Variants in SMARCA2 observed in about 807,000 individuals in gnomAD.
SMARCA2 encodes the protein SWI/SNF-related matrix-associated actin-dependent regulator of chromatin subfamily A member 2.
In SMARCA2, 61 loss-of-function variants were observed where a neutral mutation model predicts 199.8. The observed-to-expected ratio is 0.31, with a 90% CI of 0.25 to 0.38. SMARCA2 has a LOEUF of 0.38. Ranked by LOEUF, SMARCA2 falls within the 10% of genes least tolerant of loss-of-function variation. SMARCA2 has a pLI of 1.00. For synonymous variants in SMARCA2, 935 were observed against 732.0 expected (o/e 1.28, Z -4.48); for missense variants, 1,344 against 2,012.2 (o/e 0.67, Z 6.35).
At chr9:2,076,842 C>T (rs2130442667) in intron 13 of SMARCA2, among the ~76,000 whole-genome samples, 1 of 152,206 alleles carries the variant, frequency 6.6e-6, no homozygotes, top group East Asian at 1.9e-4. Context: ...TGCCCTGGCT[C>T]TGTGTCTCAT....
chr9:2,035,455 G>A (rs529737183), intron 3 of SMARCA2, among the ~76,000 whole-genome samples: 3 of 152,164 alleles, frequency 2.0e-5, no homozygotes, highest in Non-Finnish European at 2.9e-5. Flanking sequence ...TAATAGTGGA[G>A]TCCTAGGAAA....
chr9:2,136,406 T>C (rs981245086), intron 27 of SMARCA2, among the ~76,000 whole-genome samples: 1 of 152,118 alleles, frequency 6.6e-6, no homozygotes, highest in Non-Finnish European at 1.5e-5. Flanking sequence ...CAATCTGGTC[T>C]CGAACTCCTG....
At chr9:2,182,963 G>C (rs562831052) in intron 31 of SMARCA2, among the ~76,000 whole-genome samples, 1 of 151,800 alleles carries the variant, frequency 6.6e-6, no homozygotes, top group African/African-American at 2.4e-5. Context: ...GCAAATTTTT[G>C]TATTTTTAGT....
At chr9:2,034,040 A>T in intron 3 of SMARCA2, among the ~76,000 whole-genome samples, 1 of 151,940 alleles carries the variant, frequency 6.6e-6, no homozygotes, top group East Asian at 1.9e-4. Flanking sequence ...AGATCAAGAG[A>T]TCGAGACCAT....
At chr9:2,141,541 T>G (rs375777810) in intron 27 of SMARCA2, among the ~76,000 whole-genome samples, 38 of 152,274 alleles carry the variant, frequency 2.5e-4, no homozygotes, top group Admixed American at 1.6e-3. Flanking sequence ...TCTTCAAGCC[T>G]TTTAACTCTC....
chr9:2,132,389 A>G (rs1192753699), intron 27 of SMARCA2, among the ~76,000 whole-genome samples: 1 of 152,188 alleles, frequency 6.6e-6, no homozygotes, highest in Non-Finnish European at 1.5e-5. Context: ...TCCTGACAGC[A>G]TTAGTGATTC....
intron 7 of SMARCA2, among the ~76,000 whole-genome samples, chr9:2,057,812 G>A (rs868555495): frequency 6.6e-6 from 1 of 152,134 alleles, no homozygotes; most frequent in Non-Finnish European, 1.5e-5. Flanking sequence ...TATTTAAAAA[G>A]TGGATACAAA....
chr9:2,126,404 T>G (rs7868537), intron 27 of SMARCA2, among the ~76,000 whole-genome samples: 6,152 of 152,348 alleles, frequency 0.04, 389 homozygotes, highest in African/African-American at 0.14. Context: ...GGATGCAACA[T>G]GCCCCATGGC....
At chr9:2,031,048 A>G (rs1819045606) in intron 2 of SMARCA2, among the ~76,000 whole-genome samples, 2 of 152,216 alleles carry the variant, frequency 1.3e-5, no homozygotes, top group African/African-American at 2.4e-5. Flanking sequence ...CTGTATGTTC[A>G]TTACAAATAC....
chr9:2,033,050 T>G lies in SMARCA2; in HGVS notation c.324T>G (p.Pro108=), dbSNP rs150630640. Residue 108 remains proline (P), a synonymous_variant, in exon 3 of 34, where the codon CCT becomes CCG. Coordinates refer to ENST00000349721, the MANE Select transcript of SMARCA2 (RefSeq NM_003070.5). ...GMRPPHPGMG[P]PQSPMDQHSQ... is the part of the protein sequence containing the mutation. ...GACCACCTCACCCAGGCATGGGCCC[T>G]CCCCAGAGTCCAATGGATCAACACA... The G allele has an allele frequency of 6.2e-7, 1 of 1,613,916 alleles. No homozygotes were observed. Among genetic ancestry groups the G allele is most frequent in the East Asian group, 2.2e-5 (1 of 44,886 alleles).
chr9:2,188,223 T>C (rs1483380017), intron 32 of SMARCA2, among the ~76,000 whole-genome samples: 2 of 152,158 alleles, frequency 1.3e-5, no homozygotes, highest in Non-Finnish European at 2.9e-5. Flanking sequence ...TTAATGAATG[T>C]GAATGTACTG....
chr9:2,073,717 A>C (rs1227424898), intron 12 of SMARCA2, 94 bp downstream of exon 12: 2 of 892,352 alleles, frequency 2.2e-6, no homozygotes, highest in African/African-American at 3.3e-5. Context: ...GGGTCCTTCT[A>C]TCATTTCTTC....
chr9:2,130,724 C>T (rs1823908307), intron 27 of SMARCA2, among the ~76,000 whole-genome samples: 1 of 152,092 alleles, frequency 6.6e-6, no homozygotes, highest in East Asian at 1.9e-4. Flanking sequence ...TATATATACA[C>T]ACACATATAT....
chr9:2,146,118 A>C (rs1372611276), intron 27 of SMARCA2, among the ~76,000 whole-genome samples: 1 of 152,244 alleles, frequency 6.6e-6, no homozygotes, highest in Non-Finnish European at 1.5e-5. Flanking sequence ...TGGGAAGTCC[A>C]AGATCAAGGC....
chr9:2,153,460 A>G (rs1284409855), intron 27 of SMARCA2, among the ~76,000 whole-genome samples: 1 of 151,928 alleles, frequency 6.6e-6, no homozygotes, highest in African/African-American at 2.4e-5. Flanking sequence ...TGAGCCCACA[A>G]GGTTAAGGCT....
chr9:2,126,927 C>T (rs1343896976), intron 27 of SMARCA2, among the ~76,000 whole-genome samples: 1 of 152,200 alleles, frequency 6.6e-6, no homozygotes, highest in Admixed American at 6.5e-5. Flanking sequence ...GTAGCTTCTC[C>T]TCAGAGGCCT....
chr9:2,086,496 A>G lies in SMARCA2; in HGVS notation c.2527-333A>G, dbSNP rs1821809363. Among the ~76,000 whole-genome samples the G allele has an allele frequency of 2.0e-5, 3 of 152,238 alleles. No individual in the cohort carries two copies. Among genetic ancestry groups the G allele is most frequent in the South Asian group, 4.1e-4 (2 of 4,836 alleles). ...TCTGGGATAGCTGTCATGATAACGT[A>G]TTAATAGAAGGGGCATTGGATGGGG... On this transcript the variant is annotated intron_variant, in intron 17 of 33. Coordinates refer to ENST00000349721, the MANE Select transcript of SMARCA2 (RefSeq NM_003070.5). The surrounding 1 kb of genome is among the most constrained non-coding windows in gnomAD (Gnocchi z 4.3).
chr9:2,051,753 C>A (rs1484446434), intron 5 of SMARCA2, among the ~76,000 whole-genome samples: 1 of 152,114 alleles, frequency 6.6e-6, no homozygotes. Context: ...CATGGGCTCA[C>A]GCCACTATAA....
At chr9:2,033,745 G>T (rs10811337) in intron 3 of SMARCA2, among the ~76,000 whole-genome samples, 36,486 of 152,150 alleles carry the variant, frequency 0.24, 4,695 homozygotes, top group East Asian at 0.33. Flanking sequence ...CTTCCTTGCT[G>T]CTTCCTAGTT....
Sources: allele counts gnomAD v4.1 joint callset (sites outside exome capture counted in the v4.1 genomes callset), GRCh38; gene constraint gnomAD v4.1.1; non-coding constraint Gnocchi (gnomAD v3.1); transcripts MANE v1.5; gene names NCBI Gene and HGNC (gene_info 2026-07-23, HGNC 2026-07-21).